The following DEUP1 variants were observed in gnomAD, a reference collection of about 807,000 sequenced individuals.
DEUP1 encodes coiled-coil domain containing 67.
Under a neutral mutation model 87.4 loss-of-function variants are expected in DEUP1, and 82 were observed. The observed-to-expected ratio is 0.94, with a 90% CI of 0.78 to 1.13. The LOEUF (loss-of-function observed/expected upper bound fraction) is 1.13, where lower values mean the gene tolerates loss of function less well. Among genes scored for constraint, DEUP1 ranks in the 50% most tolerant of loss-of-function variants. The pLI, the probability that DEUP1 is intolerant of heterozygous loss-of-function variation, is 0.00. For synonymous variants in DEUP1, 214 were observed against 222.7 expected (o/e 0.96, Z 0.35); for missense variants, 663 against 681.5 (o/e 0.97, Z 0.30).
intron 4 of DEUP1, among the ~76,000 whole-genome samples, chr11:93,362,291 G>T (rs1043774401): frequency 6.6e-6 from 1 of 151,954 alleles, no homozygotes; most frequent in South Asian, 2.1e-4. Context: ...GCAATGGGGA[G>T]AAAATATTTG....
chr11:93,355,577 A>C (rs771992332), intron 3 of DEUP1, 35 bp downstream of exon 3: 2 of 1,563,496 alleles, frequency 1.3e-6, no homozygotes, highest in East Asian at 2.3e-5. Flanking sequence ...TTGCTAATTC[A>C]TCAGACTGTT....
intron 1 of DEUP1, among the ~76,000 whole-genome samples, chr11:93,331,440 C>T (rs897766444): frequency 1.3e-5 from 2 of 151,778 alleles, no homozygotes; most frequent in South Asian, 2.1e-4. Flanking sequence ...GCCCATAGAG[C>T]CATTGAAGAA....
intron 2 of DEUP1, among the ~76,000 whole-genome samples, chr11:93,345,161 C>T (rs1231956772): frequency 1.3e-5 from 2 of 152,212 alleles, no homozygotes; most frequent in Non-Finnish European, 2.9e-5. Context: ...CCTCCAGCTC[C>T]ATCCATGTTA....
intron 7 of DEUP1, among the ~76,000 whole-genome samples, chr11:93,375,824 C>CT (rs1435248297): frequency 6.6e-6 from 1 of 152,186 alleles, no homozygotes; most frequent in Non-Finnish European, 1.5e-5. Flanking sequence ...AGGATTCCCT[C>CT]TTTCTCTATC....
At chr11:93,366,083 T>C (rs996414162) in intron 5 of DEUP1, among the ~76,000 whole-genome samples, 1 of 152,170 alleles carries the variant, frequency 6.6e-6, no homozygotes, top group Non-Finnish European at 1.5e-5. Flanking sequence ...ATTGTTGTTA[T>C]GGTGAAAAAA....
chr11:93,404,338 A>G (rs2134402361), intron 11 of DEUP1, among the ~76,000 whole-genome samples: 1 of 152,174 alleles, frequency 6.6e-6, no homozygotes, highest in South Asian at 2.1e-4. Context: ...CAATTGTATT[A>G]TTAATTTTTC....
intron 8 of DEUP1, among the ~76,000 whole-genome samples, chr11:93,387,148 G>A (rs1027846395): frequency 6.6e-6 from 1 of 152,126 alleles, no homozygotes; most frequent in Non-Finnish European, 1.5e-5. Context: ...GAGATTTGAT[G>A]AAAAGGTATA....
At chr11:93,373,888 C>T (rs1421588845) in intron 7 of DEUP1, among the ~76,000 whole-genome samples, 1 of 151,908 alleles carries the variant, frequency 6.6e-6, no homozygotes, top group East Asian at 1.9e-4. Context: ...AGTGGTTATA[C>T]TAGTTTACAT....
At chr11:93,430,338 A>C (rs1948065390) in intron 13 of DEUP1, among the ~76,000 whole-genome samples, 2 of 152,234 alleles carry the variant, frequency 1.3e-5, no homozygotes, top group Non-Finnish European at 1.5e-5. Context: ...AGGAAACTTC[A>C]TCAATGGATG....
Position 93,356,977 on chromosome 11 carries a change from T to G in DEUP1, c.231T>G (p.Ser77Arg). 1 of 1,603,732 alleles carries G rather than the reference T, an allele frequency of 6.2e-7. No homozygotes were observed. The highest frequency in any genetic ancestry group is 8.5e-7 in the Non-Finnish European group (1 of 1,175,430). ...GGTTACTTCGACAGAAATTGGACAG[T>G]CTGGAAAAATGTAATTTAGCAATGA... Reference protein sequence around the residue: ...EVGLLRQKLDSLEKCNLAMTQ... With the variant: ...EVGLLRQKLDRLEKCNLAMTQ... Residue 77 changes from serine (S) to arginine (R), a missense_variant, in exon 4 of 14, where the codon AGT becomes AGG. Coordinates refer to ENST00000298050, the MANE Select transcript of DEUP1 (RefSeq NM_181645.4).
chr11:93,404,019 A>G (rs1205366781), intron 11 of DEUP1, among the ~76,000 whole-genome samples: 1 of 152,008 alleles, frequency 6.6e-6, no homozygotes, highest in Non-Finnish European at 1.5e-5. Context: ...GGTTATTTCT[A>G]ACCAATTATA....
chr11:93,358,848 G>A (rs1263022354), intron 4 of DEUP1, among the ~76,000 whole-genome samples: 1 of 152,106 alleles, frequency 6.6e-6, no homozygotes, highest in Non-Finnish European at 1.5e-5. Flanking sequence ...CTCCCAAAGT[G>A]CTGGAATTAC....
intron 13 of DEUP1, among the ~76,000 whole-genome samples, chr11:93,417,585 C>T (rs1164908638): frequency 2.0e-5 from 3 of 152,192 alleles, no homozygotes; most frequent in Non-Finnish European, 4.4e-5. Context: ...GAATCAATAT[C>T]ATGAAAATGG....
At chr11:93,350,870 C>A (rs929684622) in intron 2 of DEUP1, among the ~76,000 whole-genome samples, 7 of 151,762 alleles carry the variant, frequency 4.6e-5, no homozygotes, top group South Asian at 2.1e-4. Context: ...GCCGAAGAAT[C>A]GTTTGAACCC....
At position 93,396,262 on chromosome 11, in the gene DEUP1, T is replaced by G; in HGVS notation, c.1263T>G (p.Ala421=). The change falls in exon 11 of 14, where the codon GCT becomes GCG. Residue 421 remains alanine (A), a synonymous_variant. Transcript: ENST00000298050. The part of the protein sequence containing the change: ...KQKVSDMKYK[A]VRTENTHLKG... ...AGGTCTCAGATATGAAATATAAAGC[T>G]GTCAGAACTGAAAACACACATCTAA... is the stretch of plus-strand genomic sequence containing the variant. The G allele has an allele frequency of 1.3e-6, 2 of 1,582,442 alleles. No homozygotes were observed. Among genetic ancestry groups the G allele is most frequent in the Non-Finnish European group, 1.7e-6 (2 of 1,163,660 alleles).
At chr11:93,391,707 C>CAAAA (rs57417014) in intron 9 of DEUP1, among the ~76,000 whole-genome samples, 3 of 78,148 alleles carry the variant, frequency 3.8e-5, no homozygotes, top group Non-Finnish European at 5.5e-5. Context: ...GACTCCATCT[C>CAAAA]AAAAAAAAAA....
intron 12 of DEUP1, among the ~76,000 whole-genome samples, chr11:93,414,645 A>G (rs1015751545): frequency 2.0e-5 from 3 of 152,230 alleles, no homozygotes; most frequent in Non-Finnish European, 4.4e-5. Context: ...GTCAAGGGCA[A>G]CAGTGTAATT....
At chr11:93,372,118 C>T (rs866020070) in intron 7 of DEUP1, among the ~76,000 whole-genome samples, 5 of 151,620 alleles carry the variant, frequency 3.3e-5, no homozygotes, top group African/African-American at 4.8e-5. Context: ...TTAGTAGAGA[C>T]GGGGTTTCAC....
intron 13 of DEUP1, among the ~76,000 whole-genome samples, chr11:93,419,653 A>G (rs950024081): frequency 7.2e-5 from 11 of 152,082 alleles, no homozygotes; most frequent in Admixed American, 1.3e-4. Context: ...CATTTTAAGG[A>G]GTAGTTTCAA....
Sources: gnomAD v4.1 joint callset for allele counts (sites outside exome capture counted in the v4.1 genomes callset) on GRCh38, gnomAD v4.1.1 for gene constraint, MANE v1.5 for transcripts, NCBI Gene and HGNC (gene_info 2026-07-23, HGNC 2026-07-21) for gene names.